FAF1: variants seen among roughly 807,000 people sequenced by gnomAD.
The protein encoded by FAF1 is FAS-associated factor 1.
Under a neutral mutation model 92.5 loss-of-function variants are expected in FAF1, and 25 were observed. That is an observed-to-expected ratio of 0.27 (90% CI 0.20 to 0.38). FAF1 has a LOEUF of 0.38. Among genes scored for constraint, FAF1 ranks in the 10% least tolerant of loss-of-function variants. The probability of loss-of-function intolerance (pLI) is 1.00; values close to 1 mark genes in which losing one functional copy is unlikely to be tolerated. For missense variants in FAF1, 636 were observed against 793.3 expected (o/e 0.80, Z 2.38); for synonymous variants, 234 against 273.2 (o/e 0.86, Z 1.42).
At chr1:50,606,061 T>G (rs560684135) in intron 8 of FAF1, among the ~76,000 whole-genome samples, 1 of 152,170 alleles carries the variant, frequency 6.6e-6, no homozygotes, top group East Asian at 1.9e-4. Flanking sequence ...TGAAAAAATA[T>G]GTAGCATAGT....
rs774756218 is a variant in FAF1 at position 50,959,799 on chromosome 1, T to C, written c.13A>G (p.Met5Val). Residue 5 changes from methionine (M) to valine (V), a missense_variant, in exon 1 of 19, where the codon ATG (methionine) becomes GTG (valine). Coordinates refer to ENST00000396153, the MANE Select transcript of FAF1 (RefSeq NM_007051.3). ...TCCGCCAGGATCATCTCCCGGTCCA[T>C]GTTGGACGCCATGGCGGCCGCCGAG... MASN[M>V]DREMILADFQ... 6.9e-6 allele frequency: 11 copies of C among 1,584,250 alleles called. No individual in the cohort carries two copies. Among genetic ancestry groups the C allele is most frequent in the South Asian group, 1.1e-5 (1 of 88,440 alleles).
At chr1:50,785,571 A>G (rs1661331152) in intron 4 of FAF1, among the ~76,000 whole-genome samples, 3 of 152,120 alleles carry the variant, frequency 2.0e-5, no homozygotes, top group South Asian at 2.1e-4. Flanking sequence ...CAAACCCACA[A>G]TGAGCTACCA....
At chr1:50,714,167 T>C (rs1658073978) in intron 6 of FAF1, among the ~76,000 whole-genome samples, 1 of 152,068 alleles carries the variant, frequency 6.6e-6, no homozygotes, top group Non-Finnish European at 1.5e-5. Context: ...CTGGTATAAA[T>C]ATTTTTTTTC....
At chr1:50,662,927 G>A (rs1283852439) in intron 7 of FAF1, among the ~76,000 whole-genome samples, 1 of 151,390 alleles carries the variant, frequency 6.6e-6, no homozygotes, top group Non-Finnish European at 1.5e-5. Flanking sequence ...TCCATCTCCT[G>A]ACCTCGTGAT....
At chr1:50,734,743 A>G (rs990004323) in intron 6 of FAF1, among the ~76,000 whole-genome samples, 5 of 152,024 alleles carry the variant, frequency 3.3e-5, no homozygotes, top group African/African-American at 9.7e-5. Context: ...CAAAAAAAAA[A>G]AAAAAGAAAA....
At position 50,819,778 on chromosome 1, in the gene FAF1, CATATATATACAT is replaced by C. The variant is rs1238850535; in HGVS notation, c.115-18113_115-18102del. Among the ~76,000 whole-genome samples the C allele has an allele frequency of 6.8e-3, 206 of 30,450 alleles. 12 individuals are homozygous for C. The highest frequency in any genetic ancestry group is 0.021 in the African/African-American group (199 of 9,346). The allele number at this position is 30,450 out of a possible 152,430, so 20.0% of individuals were successfully genotyped here. A position where few individuals can be genotyped will look rare whatever the true frequency, so the allele number is the denominator to read the frequency against. ...ATATATATATACGTATATATATATA[CATATATATACAT>C]ATATATATATACATATATATATATA... On this transcript the variant is annotated intron_variant, in intron 2 of 18. Coordinates refer to ENST00000396153, the MANE Select transcript of FAF1 (RefSeq NM_007051.3).
At chr1:50,612,569 C>T in intron 8 of FAF1, 2 of 624,422 alleles carry the variant, frequency 3.2e-6, no homozygotes, top group Non-Finnish European at 4.0e-6. Flanking sequence ...CCCCTCAACA[C>T]TGTGGAACTC....
At chr1:50,547,241 C>T (rs560227211) in intron 13 of FAF1, among the ~76,000 whole-genome samples, 2 of 152,020 alleles carry the variant, frequency 1.3e-5, no homozygotes, top group East Asian at 3.9e-4. Context: ...GATGCAAATG[C>T]ACATATTGTA....
intron 2 of FAF1, among the ~76,000 whole-genome samples, chr1:50,822,877 C>G (rs1050537142): frequency 6.6e-6 from 1 of 150,790 alleles, no homozygotes; most frequent in Non-Finnish European, 1.5e-5. Context: ...CGGGTTCAAG[C>G]GATTCTCCTA....
intron 7 of FAF1, among the ~76,000 whole-genome samples, chr1:50,686,359 A>G (rs1340376403): frequency 1.3e-5 from 2 of 152,060 alleles, no homozygotes; most frequent in Admixed American, 6.6e-5. Flanking sequence ...CCTGACCAAC[A>G]TGGAGAAACC....
chr1:50,814,961 A>G (rs1458479555), intron 2 of FAF1, among the ~76,000 whole-genome samples: 1 of 152,252 alleles, frequency 6.6e-6, no homozygotes, highest in Non-Finnish European at 1.5e-5. Flanking sequence ...TGTCGCAAAC[A>G]ATATGACATT....
At chr1:50,718,172 TAGCTGGG>T (rs1189009164) in intron 6 of FAF1, among the ~76,000 whole-genome samples, 2 of 151,914 alleles carry the variant, frequency 1.3e-5, no homozygotes, top group African/African-American at 4.8e-5. Flanking sequence ...GGCACCCGAG[TAGCTGGG>T]ATTACCACGC....
intron 4 of FAF1, among the ~76,000 whole-genome samples, chr1:50,772,659 T>C (rs991271089): frequency 1.3e-5 from 2 of 152,046 alleles, no homozygotes; most frequent in African/African-American, 2.4e-5. Context: ...TGAGCATACA[T>C]GGACACAAAG....
At chr1:50,467,906 A>G (rs1046245357) in intron 18 of FAF1, among the ~76,000 whole-genome samples, 6 of 152,200 alleles carry the variant, frequency 3.9e-5, no homozygotes, top group African/African-American at 1.4e-4. Flanking sequence ...CAATGAATAC[A>G]TATATCAAAA....
chr1:50,694,035 CAT>C (rs1329806188), intron 7 of FAF1, among the ~76,000 whole-genome samples: 20 of 151,738 alleles, frequency 1.3e-4, no homozygotes, highest in Non-Finnish European at 2.9e-5. Context: ...ATATATATGA[CAT>C]ATACATGACA....
At chr1:50,455,702 G>A (rs1646342776) in intron 18 of FAF1, among the ~76,000 whole-genome samples, 1 of 152,190 alleles carries the variant, frequency 6.6e-6, no homozygotes, top group African/African-American at 2.4e-5. Flanking sequence ...AGAGACGTAT[G>A]TACCTTGCTT....
chr1:50,818,217 G>A (rs1169536583), intron 2 of FAF1, among the ~76,000 whole-genome samples: 5 of 152,118 alleles, frequency 3.3e-5, no homozygotes, highest in Admixed American at 6.5e-5. Context: ...ACTAAAGTGC[G>A]TGAAATTAAA....
At chr1:50,808,071 T>A (rs1186408137) in intron 2 of FAF1, among the ~76,000 whole-genome samples, 1 of 151,944 alleles carries the variant, frequency 6.6e-6, no homozygotes, top group Non-Finnish European at 1.5e-5. Context: ...GCAGAAACCC[T>A]ACAAGCCAGA....
At chr1:50,719,076 G>A (rs1053064162) in intron 6 of FAF1, among the ~76,000 whole-genome samples, 1 of 152,210 alleles carries the variant, frequency 6.6e-6, no homozygotes, top group African/African-American at 2.4e-5. Context: ...TGGCACATAT[G>A]TAAATGAGCT....
Sources: gnomAD v4.1 joint callset for allele counts (sites outside exome capture counted in the v4.1 genomes callset) on GRCh38, gnomAD v4.1.1 for gene constraint, MANE v1.5 for transcripts, NCBI Gene and HGNC (gene_info 2026-07-23, HGNC 2026-07-21) for gene names.